SAMD5: variants seen among roughly 807,000 people sequenced by gnomAD.
The protein encoded by SAMD5 is sterile alpha motif domain-containing protein 5.
In SAMD5, 13 loss-of-function variants were observed where a neutral mutation model predicts 11.3. The observed-to-expected ratio is 1.15, with a 90% CI of 0.75 to 1.83. The LOEUF is 1.83. Among genes scored for constraint, SAMD5 ranks in the 40% most tolerant of loss-of-function variants. The pLI is 0.00. For synonymous variants in SAMD5, 129 were observed against 111.3 expected, an observed-to-expected ratio of 1.16 and a Z score of -1.00; for missense variants, 255 against 239.1, an observed-to-expected ratio of 1.07 and a Z score of -0.44.
chr6:147,739,662 TC>T (rs1791850961), downstream of SAMD5, among the ~76,000 whole-genome samples: 1 of 152,172 alleles, frequency 6.6e-6, no homozygotes, highest in Non-Finnish European at 1.5e-5. Flanking sequence ...GTACTGTCAT[TC>T]TTTTTTCTGG....
chr6:147,913,414 G>A, the SAMD5 span, among the ~76,000 whole-genome samples: 1 of 152,146 alleles, frequency 6.6e-6, no homozygotes, highest in African/African-American at 2.4e-5. Flanking sequence ...ATGAAATGGG[G>A]GCTGGGGGCA....
At chr6:147,868,809 A>T in the SAMD5 span, among the ~76,000 whole-genome samples, 1 of 152,220 alleles carries the variant, frequency 6.6e-6, no homozygotes, top group African/African-American at 2.4e-5. Context: ...CAGTGTGCAG[A>T]TATAAAACAC....
At chr6:147,738,639 G>C (rs1490215270), downstream of SAMD5, among the ~76,000 whole-genome samples, 2 of 152,032 alleles carry the variant, frequency 1.3e-5, no homozygotes. Flanking sequence ...TTGACATAGG[G>C]GCCTGAAAAA....
At chr6:147,739,689 G>A (rs1195968352), downstream of SAMD5, among the ~76,000 whole-genome samples, 1 of 152,052 alleles carries the variant, frequency 6.6e-6, no homozygotes, top group Non-Finnish European at 1.5e-5. Flanking sequence ...GAGAAAATGG[G>A]TGATTTACTA....
chr6:147,946,435 T>C, the SAMD5 span, among the ~76,000 whole-genome samples: 5 of 152,224 alleles, frequency 3.3e-5, no homozygotes, highest in South Asian at 1.0e-3. Flanking sequence ...CTAAGAACTT[T>C]TTCATGGAGC....
intron 1 of SAMD5, among the ~76,000 whole-genome samples, chr6:147,664,548 T>C (rs1175247678): frequency 6.6e-6 from 1 of 152,158 alleles, no homozygotes; most frequent in African/African-American, 2.4e-5. Context: ...TAGTGTTGAT[T>C]GAAGGACTCT....
chr6:147,868,666 C>T, the SAMD5 span, among the ~76,000 whole-genome samples: 1 of 152,196 alleles, frequency 6.6e-6, no homozygotes, highest in Non-Finnish European at 1.5e-5. Context: ...TTAGAAGGCT[C>T]TCAAGTCTGT....
At chr6:147,628,284 A>G (rs1283123154) in intron 1 of SAMD5, among the ~76,000 whole-genome samples, 2 of 152,166 alleles carry the variant, frequency 1.3e-5, no homozygotes, top group African/African-American at 2.4e-5. Flanking sequence ...CTAGATCATT[A>G]TTGTTCATTT....
the SAMD5 span, among the ~76,000 whole-genome samples, chr6:147,833,447 A>C: frequency 6.6e-6 from 1 of 152,208 alleles, no homozygotes; most frequent in African/African-American, 2.4e-5. Flanking sequence ...AAATTATGAT[A>C]AACTCTAAAT....
chr6:147,736,730 A>G (rs959291007), intron 1 of SAMD5, among the ~76,000 whole-genome samples: 4 of 152,206 alleles, frequency 2.6e-5, no homozygotes, highest in Non-Finnish European at 5.9e-5. Flanking sequence ...TAGGTATATT[A>G]TATTCAAAAA....
chr6:147,510,577 T>C (rs774596780), intron 1 of SAMD5, among the ~76,000 whole-genome samples: 2 of 152,198 alleles, frequency 1.3e-5, no homozygotes, highest in Non-Finnish European at 2.9e-5. Flanking sequence ...CCTGGTAGTA[T>C]TGCTGTAGAA....
intron 1 of SAMD5, among the ~76,000 whole-genome samples, chr6:147,596,561 C>T (rs1789534097): frequency 6.6e-6 from 1 of 152,082 alleles, no homozygotes; most frequent in Non-Finnish European, 1.5e-5. Context: ...GTAAGATTGT[C>T]ATGTTAATAA....
intron 1 of SAMD5, among the ~76,000 whole-genome samples, chr6:147,527,983 G>A (rs112102650): frequency 2.8e-4 from 43 of 152,144 alleles, no homozygotes; most frequent in African/African-American, 6.0e-4. Context: ...GCAAGAGAGC[G>A]CGTACGGGGA....
chr6:147,801,679 T>G, the SAMD5 span, among the ~76,000 whole-genome samples: 1 of 152,138 alleles, frequency 6.6e-6, no homozygotes, highest in Non-Finnish European at 1.5e-5. Context: ...CACTCTGGCT[T>G]CTACCTGGAC....
intron 1 of SAMD5, among the ~76,000 whole-genome samples, chr6:147,589,823 C>T (rs145402266): frequency 6.6e-6 from 1 of 152,276 alleles, no homozygotes; most frequent in East Asian, 1.9e-4. Flanking sequence ...AACACATAGT[C>T]AGCACTTACT....
intron 1 of SAMD5, among the ~76,000 whole-genome samples, chr6:147,669,626 TCA>T (rs912243851): frequency 3.3e-5 from 5 of 151,916 alleles, no homozygotes; most frequent in Non-Finnish European, 5.9e-5. Context: ...AGATGGGGTT[TCA>T]CCATGTTGGC....
intron 1 of SAMD5, among the ~76,000 whole-genome samples, chr6:147,606,149 G>T (rs1789696122): frequency 6.6e-6 from 1 of 152,088 alleles, no homozygotes; most frequent in Admixed American, 6.5e-5. Flanking sequence ...ATTCTCTCAG[G>T]GGGATTCCTG....
At chr6:147,563,031 T>C (rs1788979188) in intron 1 of SAMD5, among the ~76,000 whole-genome samples, 1 of 152,160 alleles carries the variant, frequency 6.6e-6, no homozygotes, top group East Asian at 1.9e-4. Context: ...TATGGCTTTA[T>C]TTTGGCGACT....
chr6:147,775,830 G>C, the SAMD5 span, among the ~76,000 whole-genome samples: 1 of 152,158 alleles, frequency 6.6e-6, no homozygotes. Flanking sequence ...TGTGATCCAA[G>C]TCAAGTTACC....
Sources: allele counts gnomAD v4.1 joint callset (sites outside exome capture counted in the v4.1 genomes callset), GRCh38; gene constraint gnomAD v4.1.1; transcripts MANE v1.5; gene names NCBI Gene and HGNC (gene_info 2026-07-23, HGNC 2026-07-21).